ADCY8: variants seen among roughly 807,000 people sequenced by gnomAD.
ADCY8 encodes adenylate cyclase type 8.
In ADCY8, 51 loss-of-function variants were observed where a neutral mutation model predicts 119.7. The ratio of observed to expected loss-of-function variants is 0.43; its 90% CI spans 0.34 to 0.54. The LOEUF is 0.54. Among genes scored for constraint, ADCY8 ranks in the 20% least tolerant of loss-of-function variants. The probability of loss-of-function intolerance (pLI) is 0.03; values close to 1 mark genes in which losing one functional copy is unlikely to be tolerated. For missense variants in ADCY8, 1,383 were observed against 1,598.8 expected (o/e 0.87, Z 2.30); for synonymous variants, 665 against 651.0 (o/e 1.02, Z -0.33).
intron 6 of ADCY8, among the ~76,000 whole-genome samples, chr8:130,909,013 C>CCA (rs1366347844): frequency 2.1e-4 from 24 of 116,384 alleles, no homozygotes; most frequent in Non-Finnish European, 4.5e-4. Context: ...CTCTCTCTTT[C>CCA]TCTATCTCCA....
In ADCY8 at chr8:130,783,778, A is replaced by G. The variant is rs767432306; in HGVS notation, c.3181T>C (p.Cys1061Arg). 9.3e-6 allele frequency: 15 copies of G among 1,613,698 alleles called. No homozygotes were observed. The Admixed American group carries it at 2.5e-4, about 27-fold the overall frequency. The part of the protein sequence containing the change: ...QQCEDKWGHL[C>R]ALADFSLALT... ...GCGAGTGAGAAGTCAGCCAGAGCAC[A>G]CAAATGTCCCCACTTGTCTTCACAT... The change falls in exon 17 of 18, where the codon TGT becomes CGT. Residue 1061 changes from cysteine (C) to arginine (R), a missense_variant. This residue lies in a region of ADCY8 where 928 missense variants were observed against 1,163.5 expected (regional missense o/e 0.80). Coordinates refer to ENST00000286355, the MANE Select transcript of ADCY8 (RefSeq NM_001115.3).
At chr8:130,846,630 T>C (rs1296155972) in intron 11 of ADCY8, among the ~76,000 whole-genome samples, 1 of 111,566 alleles carries the variant, frequency 9.0e-6, no homozygotes, top group Non-Finnish European at 1.9e-5. Context: ...CCTTCCTTCC[T>C]TCTCCTTCCT....
chr8:130,944,164 C>G (rs901348582), intron 3 of ADCY8, among the ~76,000 whole-genome samples: 2 of 152,200 alleles, frequency 1.3e-5, no homozygotes, highest in Non-Finnish European at 2.9e-5. Context: ...GCATAGTTCT[C>G]TCCATTCAGC....
At chr8:130,879,219 T>C (rs900600801) in intron 8 of ADCY8, among the ~76,000 whole-genome samples, 2 of 152,066 alleles carry the variant, frequency 1.3e-5, no homozygotes, top group African/African-American at 4.8e-5. Context: ...GCTCTGAAAA[T>C]GGAAGGGCCC....
At chr8:130,918,689 CAA>C (rs753767793) in intron 5 of ADCY8, among the ~76,000 whole-genome samples, 103 of 152,120 alleles carry the variant, frequency 6.8e-4, no homozygotes, top group Non-Finnish European at 1.4e-3. Context: ...GAGTATGGAG[CAA>C]AGAGTTTGTA....
chr8:130,916,635 G>A (rs975239512), intron 5 of ADCY8, among the ~76,000 whole-genome samples: 12 of 152,312 alleles, frequency 7.9e-5, no homozygotes, highest in African/African-American at 2.9e-4. Context: ...ACGGGAATGA[G>A]GGCAAGGAAC....
chr8:130,936,296 T>G (rs74957872), intron 5 of ADCY8, among the ~76,000 whole-genome samples: 1 of 152,222 alleles, frequency 6.6e-6, no homozygotes, highest in East Asian at 1.9e-4. Flanking sequence ...CCTTGATCCA[T>G]CATCTGTTTG....
chr8:130,982,475 C>T (rs1822269478), intron 2 of ADCY8, among the ~76,000 whole-genome samples: 1 of 152,188 alleles, frequency 6.6e-6, no homozygotes, highest in African/African-American at 2.4e-5. Context: ...GCTGAAATAA[C>T]ACTTTTTCAG....
At chr8:131,008,594 A>C (rs908749568) in intron 1 of ADCY8, among the ~76,000 whole-genome samples, 3 of 152,138 alleles carry the variant, frequency 2.0e-5, no homozygotes, top group Non-Finnish European at 4.4e-5. Flanking sequence ...ATTTCTTCAT[A>C]GTAGTGTGAG....
intron 14 of ADCY8, among the ~76,000 whole-genome samples, chr8:130,808,149 C>T (rs1391752672): frequency 6.6e-6 from 1 of 152,122 alleles, no homozygotes; most frequent in Non-Finnish European, 1.5e-5. Flanking sequence ...TTCTCTGACA[C>T]TATGTTATAT....
chr8:130,917,639 G>A (rs1015649197), intron 5 of ADCY8, among the ~76,000 whole-genome samples: 3 of 152,138 alleles, frequency 2.0e-5, no homozygotes, highest in African/African-American at 4.8e-5. Context: ...GCAGCTGTGC[G>A]CCAAGTCAGC....
chr8:130,938,103 G>A (rs1482638781), intron 4 of ADCY8, among the ~76,000 whole-genome samples: 2 of 152,184 alleles, frequency 1.3e-5, no homozygotes, highest in Non-Finnish European at 2.9e-5. Context: ...GGAGCCAAGG[G>A]CACTGGTTTA....
chr8:130,937,541 C>G (rs1247860696), intron 4 of ADCY8, among the ~76,000 whole-genome samples: 1 of 152,152 alleles, frequency 6.6e-6, no homozygotes, highest in East Asian at 1.9e-4. Flanking sequence ...CCTACAAATT[C>G]AGCCCCAAGC....
chr8:130,783,391 A>G (rs1815150953), intron 17 of ADCY8, among the ~76,000 whole-genome samples: 1 of 152,236 alleles, frequency 6.6e-6, no homozygotes. Flanking sequence ...ATCTCTATGC[A>G]CGACCTTGCA....
chr8:130,797,887 A>T (rs528476596), intron 15 of ADCY8, among the ~76,000 whole-genome samples: 5 of 152,338 alleles, frequency 3.3e-5, no homozygotes, highest in African/African-American at 1.2e-4. Flanking sequence ...AATCATTACC[A>T]TGAAATGCCA....
chr8:130,970,817 C>G (rs796885893), intron 2 of ADCY8, among the ~76,000 whole-genome samples: 1 of 152,088 alleles, frequency 6.6e-6, no homozygotes, highest in Non-Finnish European at 1.5e-5. Flanking sequence ...AAAACAGACC[C>G]GTTAGGTTAT....
chr8:130,884,690 C>A lies in ADCY8; in HGVS notation c.1983G>T (p.Gln661His). The A allele has an allele frequency of 6.2e-7, 1 of 1,613,902 alleles. No homozygotes were observed. Among genetic ancestry groups the A allele is most frequent in the South Asian group, 1.1e-5 (1 of 91,078 alleles). Residue 661 changes from glutamine (Q) to histidine (H), a missense_variant, in exon 8 of 18, where the codon CAG becomes CAT. Around this residue, in one of 2 missense-constraint regions of ADCY8, gnomAD observed 928 missense variants for 1,163.5 expected, o/e 0.80. Transcript: ENST00000286355. ...TCTTGTTAATTTCCTCAGGCCCAGA[C>A]TGGACATGCAAAGCTTGTGCAAGAT... ...PNHLAQALHV[Q>H]SGPEEINKRI...
intron 13 of ADCY8, among the ~76,000 whole-genome samples, chr8:130,818,554 C>G (rs1291358152): frequency 6.6e-6 from 1 of 152,240 alleles, no homozygotes; most frequent in Non-Finnish European, 1.5e-5. Context: ...ATAACCACCT[C>G]CGTCCCTCTG....
Position 130,903,633 on chromosome 8 carries a change from A to C in ADCY8, c.1911+139T>G. 5 of 979,744 alleles carry C rather than the reference A, an allele frequency of 5.1e-6. No individual in the cohort carries two copies. In the South Asian group the frequency reaches 6.7e-5, roughly 13 times the overall value. 60.7% of individuals were successfully genotyped at this position (979,744 alleles called of 1,614,324 possible). A position where few individuals can be genotyped will look rare whatever the true frequency, so the allele number is the denominator to read the frequency against. On this transcript the variant is annotated intron_variant, in intron 7 of 17. Transcript: ENST00000286355. Reference sequence around the variant, plus strand: ...TTAATTCTGTCCTGAGGAGACAGAGAGATAGTTTGATCATTTGCAATTATG... The same window carrying C: ...TTAATTCTGTCCTGAGGAGACAGAGCGATAGTTTGATCATTTGCAATTATG...
Sources: gnomAD v4.1 joint callset for allele counts (sites outside exome capture counted in the v4.1 genomes callset) on GRCh38, gnomAD v4.1.1 for gene constraint, gnomAD v4.1.1 regional missense constraint, MANE v1.5 for transcripts, NCBI Gene and HGNC (gene_info 2026-07-23, HGNC 2026-07-21) for gene names.